Variants in MYO5B observed in about 807,000 individuals in gnomAD.
MYO5B encodes myosin VB, also known as unconventional myosin-Vb.
Under a neutral mutation model 229.3 loss-of-function variants are expected in MYO5B, and 143 were observed. The ratio of observed to expected loss-of-function variants is 0.62; its 90% CI spans 0.54 to 0.72. The LOEUF (loss-of-function observed/expected upper bound fraction) is 0.72. Among genes scored for constraint, MYO5B ranks in the 30% least tolerant of loss-of-function variants. MYO5B has a pLI of 0.00. For synonymous variants in MYO5B, 918 were observed against 885.2 expected (o/e 1.04, Z -0.66); for missense variants, 2,321 against 2,331.0 (o/e 1.00, Z 0.09).
Position 50,114,279 on chromosome 18 carries a change from T to C in MYO5B, c.28-58901A>G, listed in dbSNP as rs2031918115. On this transcript the variant is annotated intron_variant, in intron 1 of 39. Coordinates refer to ENST00000285039, the MANE Select transcript of MYO5B (RefSeq NM_001080467.3). ...TGCTGTTATAATACTGAGTTTATGT[T>C]ATGTAAATTTTGGAGAATGCACAGA... 2.0e-5 allele frequency among the ~76,000 whole-genome samples: 3 copies of C among 152,214 alleles called. No individual in the cohort carries two copies. The South Asian group carries it at 6.2e-4, about 32-fold the overall frequency.
At chr18:49,873,403 C>T (rs1256877689) in intron 26 of MYO5B, among the ~76,000 whole-genome samples, 1 of 152,206 alleles carries the variant, frequency 6.6e-6, no homozygotes, top group Non-Finnish European at 1.5e-5. Flanking sequence ...TAGCGTGCCC[C>T]AGGCTTGGAG....
At chr18:49,914,043 C>T (rs1232259518) in intron 17 of MYO5B, among the ~76,000 whole-genome samples, 1 of 152,188 alleles carries the variant, frequency 6.6e-6, no homozygotes, top group Admixed American at 6.5e-5. Context: ...CAGCAACCAT[C>T]CTTCAGGTCC....
intron 1 of MYO5B, among the ~76,000 whole-genome samples, chr18:50,173,607 A>C (rs994375087): frequency 6.6e-6 from 1 of 152,160 alleles, no homozygotes; most frequent in East Asian, 1.9e-4. Flanking sequence ...GTGAGGGGGC[A>C]AGAAGAGCGA....
chr18:50,067,115 G>A (rs994537915), intron 1 of MYO5B, among the ~76,000 whole-genome samples: 2 of 152,184 alleles, frequency 1.3e-5, no homozygotes, highest in Admixed American at 6.5e-5. Context: ...GAGATTGCGT[G>A]AAATGTACCC....
At chr18:50,077,911 C>G (rs1483027924) in intron 1 of MYO5B, among the ~76,000 whole-genome samples, 1 of 152,158 alleles carries the variant, frequency 6.6e-6, no homozygotes, top group East Asian at 1.9e-4. Context: ...CAGCACACTC[C>G]CAGAACTGGA....
At chr18:49,909,092 C>T (rs1426503964) in intron 18 of MYO5B, among the ~76,000 whole-genome samples, 1 of 152,208 alleles carries the variant, frequency 6.6e-6, no homozygotes, top group Non-Finnish European at 1.5e-5. Context: ...CTAAAACGTA[C>T]TTAGAACTTG....
chr18:50,017,091 T>C (rs1347938247), intron 4 of MYO5B, among the ~76,000 whole-genome samples: 2 of 152,160 alleles, frequency 1.3e-5, no homozygotes, highest in African/African-American at 4.8e-5. Flanking sequence ...TGGTCTTTTG[T>C]GACTAACTTA....
chr18:50,058,925 G>A (rs535475645), intron 1 of MYO5B, among the ~76,000 whole-genome samples: 17 of 152,140 alleles, frequency 1.1e-4, no homozygotes, highest in African/African-American at 1.7e-4. Context: ...TACCTTACTC[G>A]TCCATGTGGG....
intron 23 of MYO5B, among the ~76,000 whole-genome samples, chr18:49,879,778 A>G (rs1007418703): frequency 4.6e-5 from 7 of 152,208 alleles, no homozygotes; most frequent in African/African-American, 1.7e-4. Context: ...CGAGTGGCAC[A>G]TGGGGACTGA....
intron 16 of MYO5B, among the ~76,000 whole-genome samples, chr18:49,932,750 T>C (rs774531521): frequency 2.6e-5 from 4 of 152,152 alleles, no homozygotes; most frequent in Non-Finnish European, 4.4e-5. Context: ...GATATTGCCA[T>C]CATCTTTCCC....
intron 1 of MYO5B, among the ~76,000 whole-genome samples, chr18:50,080,854 AG>A (rs1159343049): frequency 6.6e-6 from 1 of 152,212 alleles, no homozygotes; most frequent in Non-Finnish European, 1.5e-5. Flanking sequence ...TTCATGCAGC[AG>A]GGAAGAAGGC....
chr18:50,070,016 G>GTTTTTTTTTTT (rs2030915299), intron 1 of MYO5B, among the ~76,000 whole-genome samples: 4 of 133,156 alleles, frequency 3.0e-5, no homozygotes, highest in African/African-American at 1.2e-4. Flanking sequence ...TTGCAATTTA[G>GTTTTTTTTTTT]TCTTTTTTTT....
intron 1 of MYO5B, among the ~76,000 whole-genome samples, chr18:50,084,935 A>C (rs1054352141): frequency 6.6e-6 from 1 of 152,198 alleles, no homozygotes; most frequent in Non-Finnish European, 1.5e-5. Flanking sequence ...AAAGACTTAC[A>C]TGTTAGACCT....
intron 29 of MYO5B, among the ~76,000 whole-genome samples, chr18:49,859,009 T>C (rs1568613227): frequency 6.6e-6 from 1 of 152,226 alleles, no homozygotes. Context: ...TTAATAAATC[T>C]ACAAATATTT....
intron 13 of MYO5B, among the ~76,000 whole-genome samples, chr18:49,953,889 C>A (rs888767527): frequency 1.1e-5 from 1 of 90,318 alleles, no homozygotes; most frequent in African/African-American, 4.3e-5. Context: ...TTTATATATA[C>A]ATATATGTGT....
chr18:49,990,532 A>G lies in MYO5B; in HGVS notation c.757-12T>C. 1 of 1,610,986 alleles carries G rather than the reference A, an allele frequency of 6.2e-7. No homozygotes were observed. Among genetic ancestry groups the G allele is most frequent in the Non-Finnish European group, 8.5e-7 (1 of 1,177,376 alleles). The stretch of plus-strand genomic sequence containing the variant: ...CTCTCATCATCTGCCTGGAGGAGGA[A>G]GAAGTGAAGCAGTTTTAGGGCAGTG... On this transcript the variant is annotated splice_polypyrimidine_tract_variant and intron_variant, in intron 6 of 39. Transcript: ENST00000285039.
intron 1 of MYO5B, among the ~76,000 whole-genome samples, chr18:50,062,770 T>C (rs115016732): frequency 3.5e-4 from 53 of 152,200 alleles, no homozygotes; most frequent in African/African-American, 1.1e-3. Flanking sequence ...AACATTCCCA[T>C]TGGTGTGCTG....
At chr18:49,834,294 T>C (rs1308312812) in intron 39 of MYO5B, among the ~76,000 whole-genome samples, 4 of 152,184 alleles carry the variant, frequency 2.6e-5, no homozygotes, top group Admixed American at 2.6e-4. Context: ...CTCTGATGAC[T>C]TCCCCCTGAA....
At chr18:50,077,488 CACACACACACACAA>C (rs879795608) in intron 1 of MYO5B, among the ~76,000 whole-genome samples, 9 of 121,998 alleles carry the variant, frequency 7.4e-5, no homozygotes, top group Non-Finnish European at 1.3e-4. Context: ...AGGCAAAACA[CACACACACACACAA>C]ACACACACAC....
Sources: allele counts gnomAD v4.1 joint callset (sites outside exome capture counted in the v4.1 genomes callset), GRCh38; gene constraint gnomAD v4.1.1; transcripts MANE v1.5; gene names NCBI Gene and HGNC (gene_info 2026-07-23, HGNC 2026-07-21).